The following PDYN variants were observed in gnomAD, a reference collection of about 807,000 sequenced individuals.
PDYN encodes the protein proenkephalin-B.
Under a neutral mutation model 11.4 loss-of-function variants are expected in PDYN, and 5 were observed. That is an observed-to-expected ratio of 0.44 (90% CI 0.23 to 0.92). The LOEUF (loss-of-function observed/expected upper bound fraction) is 0.92. Ranked by LOEUF, PDYN falls within the 40% of genes least tolerant of loss-of-function variation. The pLI is 0.24. For missense variants in PDYN, 337 were observed against 317.3 expected (o/e 1.06, Z -0.47); for synonymous variants, 132 against 129.5 (o/e 1.02, Z -0.13).
rs1482451703 is a variant in PDYN at position 1,994,053 on chromosome 20, C to T, written c.-222G>A. On this transcript the variant is annotated 5_prime_UTR_variant, in exon 1 of 4. Coordinates refer to ENST00000217305, the MANE Select transcript of PDYN (RefSeq NM_024411.5). The stretch of plus-strand genomic sequence containing the variant: ...GCTGTGAACACCACCAAAGCCCCTT[C>T]AAATGGCAGTTCTGGTGCCTCTTCC... The T allele has an allele frequency of 2.0e-5, 3 of 153,300 alleles. No individual in the cohort carries two copies. The highest frequency in any genetic ancestry group is 7.2e-5 in the African/African-American group (3 of 41,460). The allele number at this position is 153,300 out of a possible 1,614,324, so 9.5% of individuals were successfully genotyped here.
At chr20:1,983,864 C>T (rs993807283) in intron 2 of PDYN, among the ~76,000 whole-genome samples, 7 of 152,218 alleles carry the variant, frequency 4.6e-5, no homozygotes, top group Non-Finnish European at 8.8e-5. Context: ...GCTCCAACCA[C>T]ATCAGCTTCT....
intron 2 of PDYN, among the ~76,000 whole-genome samples, chr20:1,985,255 C>G (rs1988111123): frequency 6.6e-6 from 1 of 152,144 alleles, no homozygotes; most frequent in African/African-American, 2.4e-5. Flanking sequence ...AGTAGGCTCC[C>G]CCACCAGAGC....
At chr20:1,986,761 C>G (rs997100141) in intron 2 of PDYN, among the ~76,000 whole-genome samples, 1 of 152,234 alleles carries the variant, frequency 6.6e-6, no homozygotes, top group Non-Finnish European at 1.5e-5. Flanking sequence ...TTCTGCCCAT[C>G]CTGGGCTTGA....
chr20:1,980,289 G>T lies in PDYN; in HGVS notation c.*34C>A. On this transcript the variant is annotated 3_prime_UTR_variant, in exon 4 of 4. Transcript: ENST00000217305. ...ACTCCAACCTGAAAAGGTGTCAGGG[G>T]TTTCTCCTGACTCTACTCCATGAAA... 6.2e-7 allele frequency: 1 copy of T among 1,611,074 alleles called. No individual in the cohort carries two copies. Among genetic ancestry groups the T allele is most frequent in the Non-Finnish European group, 8.5e-7 (1 of 1,177,500 alleles).
At chr20:1,993,798 A>C (rs965700660) in intron 1 of PDYN, 113 bp downstream of exon 1, 1 of 152,448 alleles carries the variant, frequency 6.6e-6, no homozygotes, top group Non-Finnish European at 1.5e-5. Context: ...CTAGATAATC[A>C]GACCCAAACC....
In PDYN at chr20:1,980,031, A is replaced by T. The variant is rs1261243521; in HGVS notation, c.*292T>A. ...TCACGTGAACAGGTTGGAAGGACAG[A>T]TCACAAACTGCTGCTGCTGCTGCTG... On this transcript the variant is annotated 3_prime_UTR_variant, in exon 4 of 4. Transcript: ENST00000217305. The T allele has an allele frequency of 6.2e-6, 3 of 482,458 alleles. No homozygotes were observed. The highest frequency in any genetic ancestry group is 1.1e-5 in the Non-Finnish European group (3 of 263,140). 29.9% of individuals were successfully genotyped at this position (482,458 alleles called of 1,614,324 possible).
At chr20:1,984,854 G>A (rs1988079266) in intron 2 of PDYN, among the ~76,000 whole-genome samples, 1 of 151,952 alleles carries the variant, frequency 6.6e-6, no homozygotes, top group Admixed American at 6.6e-5. Context: ...AGCAGAGATT[G>A]TGCCACTGCA....
intron 2 of PDYN, 96 bp from the exon 3 acceptor site, chr20:1,983,199 G>T: frequency 9.8e-7 from 1 of 1,021,568 alleles, no homozygotes; most frequent in Non-Finnish European, 1.4e-6. Context: ...CCTGCCCACA[G>T]CACTGCAAAG....
At position 1,979,236 on chromosome 20, in the gene PDYN, A is replaced by G. The variant is rs2122292787; in HGVS notation, c.*1087T>C. 1 of 152,490 alleles carries G rather than the reference A, an allele frequency of 6.6e-6. No individual in the cohort carries two copies. Among genetic ancestry groups the G allele is most frequent in the Non-Finnish European group, 1.5e-5 (1 of 68,122 alleles). 9.4% of individuals were successfully genotyped at this position (152,490 alleles called of 1,614,324 possible). On this transcript the variant is annotated 3_prime_UTR_variant, in exon 4 of 4. Transcript: ENST00000217305. ...GAAAGAAGCATTATGGGGATTGAAGAGGGCTTTTTCTCTTTCTAGCTGCTG... is the reference window on the plus strand; with the variant it reads ...GAAAGAAGCATTATGGGGATTGAAGGGGGCTTTTTCTCTTTCTAGCTGCTG...
rs566799119 is a variant in PDYN, at chr20:1,978,928, C to G, written c.*1395G>C. On this transcript the variant is annotated 3_prime_UTR_variant, in exon 4 of 4. Transcript: ENST00000217305. ...AACATCATCAGATACCTGGGGACTG[C>G]GCATGAAGAGATGTGCTCAGCAGCA... 6.6e-6 allele frequency: 1 copy of G among 152,274 alleles called. No individual in the cohort carries two copies. The highest frequency in any genetic ancestry group is 6.5e-5 in the Admixed American group (1 of 15,284). The allele number at this position is 152,274 out of a possible 1,614,324, so 9.4% of individuals were successfully genotyped here.
chr20:1,986,760 T>C (rs965214922), intron 2 of PDYN, among the ~76,000 whole-genome samples: 1 of 152,340 alleles, frequency 6.6e-6, no homozygotes, highest in African/African-American at 2.4e-5. Flanking sequence ...GTTCTGCCCA[T>C]CCTGGGCTTG....
intron 2 of PDYN, among the ~76,000 whole-genome samples, chr20:1,983,876 G>A (rs1205329158): frequency 1.3e-5 from 2 of 152,158 alleles, no homozygotes; most frequent in Non-Finnish European, 2.9e-5. Context: ...TCAGCTTCTT[G>A]CAATTCCCTT....
At chr20:1,983,858 C>T (rs1269247032) in intron 2 of PDYN, among the ~76,000 whole-genome samples, 2 of 152,212 alleles carry the variant, frequency 1.3e-5, no homozygotes, top group Non-Finnish European at 2.9e-5. Context: ...CTCTGGGCTC[C>T]AACCACATCA....
chr20:1,980,969 C>T lies in PDYN; in HGVS notation c.130-11G>A, dbSNP rs759240681. 6.2e-7 allele frequency: 1 copy of T among 1,613,584 alleles called. No individual in the cohort carries two copies. The highest frequency in any genetic ancestry group is 1.7e-5 in the Admixed American group (1 of 60,022). The stretch of plus-strand genomic sequence containing the variant: ...TTGCAGGGAGCAAATCTGCAAAAGA[C>T]CCAAAAAGACCACAGTGGCAAATGA... On this transcript the variant is annotated splice_polypyrimidine_tract_variant and intron_variant, in intron 3 of 3. Transcript: ENST00000217305.
chr20:1,980,574 C>G lies in PDYN; in HGVS notation c.514G>C (p.Val172Leu), dbSNP rs1325267632. Reference sequence around the variant, plus strand: ...CGCAAAAAGCCCCCATAGCGTTTGACCTGCTCCTTGGGGTCCTCCTCAGCG... The same window carrying G: ...CGCAAAAAGCCCCCATAGCGTTTGAGCTGCTCCTTGGGGTCCTCCTCAGCG... ...YLAEEDPKEQ[V>L]KRYGGFLRKY... The change falls in exon 4 of 4, where the codon GTC becomes CTC. Residue 172 changes from valine (V) to leucine (L), a missense_variant. Val to Leu is a conservative substitution (Grantham distance 32). Transcript: ENST00000217305. 6.2e-7 allele frequency: 1 copy of G among 1,614,152 alleles called. No individual in the cohort carries two copies. The highest frequency in any genetic ancestry group is 8.5e-7 in the Non-Finnish European group (1 of 1,180,022).
chr20:1,978,980 C>T lies in PDYN; in HGVS notation c.*1343G>A, dbSNP rs1987545834. On this transcript the variant is annotated 3_prime_UTR_variant, in exon 4 of 4. Transcript: ENST00000217305. ...CTTATACAAATTATCCAGACTCAAG[C>T]CTTTTCCTCTCCTATCCAGCCTCAT... The T allele has an allele frequency of 6.6e-6, 1 of 152,164 alleles. No homozygotes were observed. Among genetic ancestry groups the T allele is most frequent in the Non-Finnish European group, 1.5e-5 (1 of 68,032 alleles). The allele number at this position is 152,164 out of a possible 1,614,324, so 9.4% of individuals were successfully genotyped here.
intron 2 of PDYN, among the ~76,000 whole-genome samples, chr20:1,992,297 A>C (rs1988483634): frequency 6.6e-6 from 1 of 151,824 alleles, no homozygotes; most frequent in African/African-American, 2.4e-5. Flanking sequence ...ACAGATGGAA[A>C]ATTCCTGCCT....
chr20:1,982,694 C>A (rs1987900577), intron 3 of PDYN, among the ~76,000 whole-genome samples: 1 of 152,208 alleles, frequency 6.6e-6, no homozygotes, highest in Non-Finnish European at 1.5e-5. Flanking sequence ...AAATGACACT[C>A]CCTGTTGCCA....
In PDYN at chr20:1,980,173, G is replaced by A. The variant is rs45627539; in HGVS notation, c.*150C>T. ...CCCCAGAGAAATAACATACTCCCAC[G>A]CAGAAGAGAGATAGGCTGGGCTTGG... On this transcript the variant is annotated 3_prime_UTR_variant, in exon 4 of 4. Transcript: ENST00000217305. The A allele has an allele frequency of 2.1e-5, 17 of 826,994 alleles. No individual in the cohort carries two copies. Among genetic ancestry groups the A allele is most frequent in the Non-Finnish European group, 3.2e-5 (16 of 492,946 alleles). 51.2% of individuals were successfully genotyped at this position (826,994 alleles called of 1,614,324 possible). A position where few individuals can be genotyped will look rare whatever the true frequency, so the allele number is the denominator to read the frequency against.
Sources: gnomAD v4.1 joint callset for allele counts (sites outside exome capture counted in the v4.1 genomes callset) on GRCh38, gnomAD v4.1.1 for gene constraint, MANE v1.5 for transcripts, NCBI Gene and HGNC (gene_info 2026-07-23, HGNC 2026-07-21) for gene names.